The following NBAS variants were observed in gnomAD, a reference collection of about 807,000 sequenced individuals.
NBAS encodes NBAS subunit of NRZ tethering complex.
In NBAS, 219 loss-of-function variants were observed where a neutral mutation model predicts 302.5. The observed-to-expected ratio is 0.72, with a 90% CI of 0.65 to 0.81. The LOEUF (loss-of-function observed/expected upper bound fraction) is 0.81. Among genes scored for constraint, NBAS ranks in the 30% least tolerant of loss-of-function variants. The pLI is 0.00. For synonymous variants in NBAS, 1,118 were observed against 1,021.6 expected, an observed-to-expected ratio of 1.09 and a Z score of -1.80; for missense variants, 2,932 against 2,841.6, an observed-to-expected ratio of 1.03 and a Z score of -0.72.
chr2:15,311,370 T>C (rs994595340), intron 38 of NBAS, among the ~76,000 whole-genome samples: 4 of 152,318 alleles, frequency 2.6e-5, no homozygotes, highest in Middle Eastern at 3.4e-3. Flanking sequence ...AGAGCATCAC[T>C]CTAGCACACA....
the NBAS span, among the ~76,000 whole-genome samples, chr2:15,147,193 A>C: frequency 6.6e-6 from 1 of 152,082 alleles, no homozygotes; most frequent in Non-Finnish European, 1.5e-5. Flanking sequence ...GAAAAGGAGA[A>C]CATTTCTAGG....
At chr2:15,041,498 G>T in the NBAS span, among the ~76,000 whole-genome samples, 21 of 152,242 alleles carry the variant, frequency 1.4e-4, no homozygotes, top group Middle Eastern at 3.2e-3. Context: ...GCATGTGGAG[G>T]AGTCCCCAAG....
chr2:15,559,572 G>A (rs1664812532), intron 1 of NBAS, among the ~76,000 whole-genome samples: 1 of 152,130 alleles, frequency 6.6e-6, no homozygotes, highest in Admixed American at 6.5e-5. Context: ...CAATAAACAT[G>A]AATTGATTGT....
the NBAS span, among the ~76,000 whole-genome samples, chr2:14,956,289 G>A: frequency 6.6e-6 from 1 of 152,186 alleles, no homozygotes; most frequent in South Asian, 2.1e-4. Context: ...TCTCCAGGAA[G>A]TTCCAAACTT....
chr2:15,379,103 G>A (rs1174335937), intron 30 of NBAS, among the ~76,000 whole-genome samples: 2 of 151,934 alleles, frequency 1.3e-5, no homozygotes, highest in African/African-American at 2.4e-5. Context: ...AGTACAATGG[G>A]GACAAGAGAG....
chr2:15,377,507 T>C (rs77537695), intron 30 of NBAS, among the ~76,000 whole-genome samples: 3,749 of 152,328 alleles, frequency 0.025, 153 homozygotes, highest in African/African-American at 0.086. Context: ...AGCCCTATGA[T>C]ATAAGCCTAC....
chr2:14,983,987 G>A, the NBAS span, among the ~76,000 whole-genome samples: 1 of 152,056 alleles, frequency 6.6e-6, no homozygotes, highest in Non-Finnish European at 1.5e-5. Flanking sequence ...GGGCTTCCGA[G>A]GGGGCGTGCC....
intron 11 of NBAS, among the ~76,000 whole-genome samples, chr2:15,498,475 A>G (rs962360913): frequency 9.9e-5 from 15 of 152,216 alleles, no homozygotes; most frequent in Non-Finnish European, 4.4e-5. Context: ...ACGCTTACAC[A>G]CTGCTAGTGG....
chr2:15,418,246 G>A lies in NBAS; in HGVS notation c.2578-534C>T, dbSNP rs115887925. On this transcript the variant is annotated intron_variant, in intron 23 of 51. Coordinates refer to ENST00000281513, the MANE Select transcript of NBAS (RefSeq NM_015909.4). ...TGTTACAAACACTTTCTTGGTCTCA[G>A]TTCAAATATTTAGCCTTCAAAAGAC... Among the ~76,000 whole-genome samples the A allele has an allele frequency of 6.7e-3, 1,025 of 152,224 alleles. 11 individuals are homozygous for A. Among genetic ancestry groups the A allele is most frequent in the African/African-American group, 0.022 (925 of 41,518 alleles).
At position 15,440,033 on chromosome 2, in the gene NBAS, C is replaced by G. The variant is rs571402461; in HGVS notation, c.2340-12239G>C. ...TCGAACTGGGCGGAGCCCACCACAG[C>G]TCAAGGAGGCCTGCCTGCCTCTGTA... On this transcript the variant is annotated intron_variant, in intron 21 of 51. Transcript: ENST00000281513. 3.9e-5 allele frequency among the ~76,000 whole-genome samples: 6 copies of G among 152,376 alleles called. No homozygotes were observed. In the South Asian group the frequency reaches 1.2e-3, roughly 32 times the overall value.
intron 21 of NBAS, among the ~76,000 whole-genome samples, chr2:15,430,766 A>T (rs1266854789): frequency 6.6e-6 from 1 of 152,064 alleles, no homozygotes; most frequent in Non-Finnish European, 1.5e-5. Context: ...TCCATGCATC[A>T]GGAGCCACCA....
At chr2:14,853,928 G>T in the NBAS span, among the ~76,000 whole-genome samples, 1 of 109,610 alleles carries the variant, frequency 9.1e-6, no homozygotes, top group Non-Finnish European at 1.8e-5. Flanking sequence ...GTGGTGGGGT[G>T]GGGGGAGGGG....
chr2:15,068,624 A>G, the NBAS span, among the ~76,000 whole-genome samples: 8 of 152,288 alleles, frequency 5.3e-5, no homozygotes, highest in Non-Finnish European at 7.3e-5. Flanking sequence ...AATTATATCC[A>G]TGTAGCAGCA....
intron 48 of NBAS, among the ~76,000 whole-genome samples, chr2:15,216,198 G>C (rs1666646910): frequency 6.6e-6 from 1 of 152,170 alleles, no homozygotes; most frequent in Admixed American, 6.5e-5. Flanking sequence ...CATTAAGCCA[G>C]TGTGGCTTTC....
the NBAS span, among the ~76,000 whole-genome samples, chr2:14,938,909 T>G: frequency 2.6e-5 from 4 of 152,250 alleles, no homozygotes; most frequent in African/African-American, 9.6e-5. Context: ...GCAGAGTGTA[T>G]GCTTCAACCT....
intron 44 of NBAS, among the ~76,000 whole-genome samples, chr2:15,243,450 C>CT (rs1667951571): frequency 6.6e-6 from 1 of 151,864 alleles, no homozygotes; most frequent in African/African-American, 2.4e-5. Flanking sequence ...CCTTTGCAGT[C>CT]TTTTATCGGA....
chr2:14,782,034 T>C, the NBAS span, among the ~76,000 whole-genome samples: 1 of 152,210 alleles, frequency 6.6e-6, no homozygotes, highest in Non-Finnish European at 1.5e-5. Flanking sequence ...GTACTGTTAC[T>C]GAAGCCTGCC....
intron 2 of NBAS, among the ~76,000 whole-genome samples, chr2:15,557,631 T>C (rs1031699459): frequency 1.1e-4 from 16 of 152,204 alleles, no homozygotes; most frequent in African/African-American, 3.6e-4. Context: ...AGTACTTAAC[T>C]TCTGTGAAAA....
At chr2:15,111,306 T>C in the NBAS span, among the ~76,000 whole-genome samples, 1 of 152,020 alleles carries the variant, frequency 6.6e-6, no homozygotes, top group Non-Finnish European at 1.5e-5. Context: ...GTAGAACCCA[T>C]GTAAAAACCT....
Sources: gnomAD v4.1 joint callset for allele counts (sites outside exome capture counted in the v4.1 genomes callset) on GRCh38, gnomAD v4.1.1 for gene constraint, MANE v1.5 for transcripts, NCBI Gene and HGNC (gene_info 2026-07-23, HGNC 2026-07-21) for gene names.